The following CAMK1D variants were observed in gnomAD, a reference collection of about 807,000 sequenced individuals.
CAMK1D encodes calcium/calmodulin-dependent protein kinase type 1D.
CAMK1D carries 9 observed loss-of-function variants against 47.7 expected under a neutral mutation model. That is an observed-to-expected ratio of 0.19 (90% CI 0.11 to 0.33). The LOEUF is 0.33. Among genes scored for constraint, CAMK1D ranks in the 10% least tolerant of loss-of-function variants. CAMK1D has a pLI of 1.00. For missense variants in CAMK1D, 291 were observed against 488.7 expected (o/e 0.60, Z 3.81); for synonymous variants, 184 against 184.9 (o/e 0.99, Z 0.04).
rs1833425449 is a variant in CAMK1D at position 12,831,935 on chromosome 10, TAGGACCCGCACCA to T, written c.*3052_*3064del. On this transcript the variant is annotated 3_prime_UTR_variant, in exon 11 of 11. Transcript: ENST00000619168. ...TCTGACAAATGGGGTCTCAGAGTCC[TAGGACCCGCACCA>T]AGGTCAGAGTCCACCTGTAGAGGCT... The T allele has an allele frequency of 6.6e-6, 1 of 152,222 alleles. No individual in the cohort carries two copies. 9.4% of individuals were successfully genotyped at this position (152,222 alleles called of 1,614,324 possible).
chr10:12,446,481 C>T (rs1035871112), intron 1 of CAMK1D, among the ~76,000 whole-genome samples: 23 of 152,176 alleles, frequency 1.5e-4, no homozygotes, highest in African/African-American at 4.6e-4. Flanking sequence ...TTACCGCAGC[C>T]TGTTTTATCA....
chr10:12,607,888 GA>G (rs1372601028), intron 2 of CAMK1D, among the ~76,000 whole-genome samples: 2 of 152,182 alleles, frequency 1.3e-5, no homozygotes, highest in East Asian at 3.8e-4. Flanking sequence ...TTGAGCCTGG[GA>G]GGGGGAGGCT....
intron 1 of CAMK1D, among the ~76,000 whole-genome samples, chr10:12,505,614 G>T (rs1044164387): frequency 6.6e-5 from 10 of 152,108 alleles, no homozygotes; most frequent in Non-Finnish European, 1.2e-4. Flanking sequence ...CTCCTTTATT[G>T]CTTGCTTGTC....
chr10:12,645,837 T>G (rs2132497776), intron 2 of CAMK1D, among the ~76,000 whole-genome samples: 1 of 152,340 alleles, frequency 6.6e-6, no homozygotes, highest in South Asian at 2.1e-4. Context: ...CATCTAAAAA[T>G]GCTGCCTGTG....
chr10:12,599,403 T>C (rs530182448), intron 2 of CAMK1D, among the ~76,000 whole-genome samples: 11 of 152,234 alleles, frequency 7.2e-5, no homozygotes, highest in Admixed American at 2.0e-4. Context: ...CAAGGAAGCA[T>C]GTGGCTCACT....
At chr10:12,468,974 C>T (rs1330070350) in intron 1 of CAMK1D, among the ~76,000 whole-genome samples, 2 of 152,018 alleles carry the variant, frequency 1.3e-5, no homozygotes, top group Non-Finnish European at 2.9e-5. Context: ...TCTCATCTGC[C>T]CTCAGCAGTC....
chr10:12,779,342 A>G lies in CAMK1D; in HGVS notation c.565+9543A>G, dbSNP rs3781074. On this transcript the variant is annotated intron_variant, in intron 5 of 10. Coordinates refer to ENST00000619168, the MANE Select transcript of CAMK1D (RefSeq NM_153498.4). ...AATATCTGAATCACTGAACATCAGT[A>G]GGAAGTGACAGAAAACATCCGTATC... Among the ~76,000 whole-genome samples, 24 of 152,358 alleles carry G rather than the reference A, an allele frequency of 1.6e-4. No individual in the cohort carries two copies. In the East Asian group the frequency reaches 2.5e-3, roughly 16 times the overall value.
chr10:12,353,470 C>T (rs1016825615), intron 1 of CAMK1D, among the ~76,000 whole-genome samples: 1 of 152,166 alleles, frequency 6.6e-6, no homozygotes, highest in Non-Finnish European at 1.5e-5. Context: ...CGAGCATTTA[C>T]TGTTGGAAGC....
chr10:12,506,883 G>T (rs992503328), intron 1 of CAMK1D, among the ~76,000 whole-genome samples: 1 of 152,132 alleles, frequency 6.6e-6, no homozygotes, highest in South Asian at 2.1e-4. Flanking sequence ...TGCCAACCTC[G>T]GGTCACATCA....
At chr10:12,796,641 T>A (rs536258759) in intron 6 of CAMK1D, among the ~76,000 whole-genome samples, 1 of 150,262 alleles carries the variant, frequency 6.7e-6, no homozygotes, top group African/African-American at 2.5e-5. Context: ...CCCCGGGGGG[T>A]CGTGATGGCT....
intron 1 of CAMK1D, among the ~76,000 whole-genome samples, chr10:12,535,893 G>C (rs371063901): frequency 1.2e-4 from 18 of 152,224 alleles, no homozygotes; most frequent in Middle Eastern, 3.4e-3. Flanking sequence ...TGTGTTATCT[G>C]TGGTAACACC....
intron 2 of CAMK1D, among the ~76,000 whole-genome samples, chr10:12,623,325 CTCCCTCCCTCCTTTCT>C (rs1839085651): frequency 1.8e-4 from 2 of 11,402 alleles, no homozygotes. Flanking sequence ...CCGTCCCTCC[CTCCCTCCCTCCTTTCT>C]TTCCTCCCTC....
chr10:12,599,264 C>A (rs1040728008), intron 2 of CAMK1D, among the ~76,000 whole-genome samples: 6 of 152,086 alleles, frequency 3.9e-5, no homozygotes, highest in Non-Finnish European at 7.4e-5. Context: ...GAAGTGATTC[C>A]CTGCTGCATC....
intron 2 of CAMK1D, among the ~76,000 whole-genome samples, chr10:12,559,032 G>C: frequency 6.6e-6 from 1 of 151,698 alleles, no homozygotes; most frequent in East Asian, 1.9e-4. Flanking sequence ...AGCCGGGCAC[G>C]GTGAGTGGCT....
At chr10:12,826,613 C>T (rs1237281361) in intron 10 of CAMK1D, among the ~76,000 whole-genome samples, 1 of 152,198 alleles carries the variant, frequency 6.6e-6, no homozygotes, top group Non-Finnish European at 1.5e-5. Context: ...CCTAATCTCC[C>T]TAACCATGGA....
At chr10:12,722,947 G>T (rs1488819864) in intron 3 of CAMK1D, among the ~76,000 whole-genome samples, 1 of 152,204 alleles carries the variant, frequency 6.6e-6, no homozygotes, top group Admixed American at 6.5e-5. Flanking sequence ...GGTATAATCG[G>T]TGCTCTCGGG....
intron 1 of CAMK1D, among the ~76,000 whole-genome samples, chr10:12,501,864 G>C (rs1834715335): frequency 6.6e-6 from 1 of 150,426 alleles, no homozygotes; most frequent in East Asian, 2.0e-4. Flanking sequence ...GTCCCCAAAA[G>C]CCATTTGATG....
chr10:12,349,768 CCCCCTCCCCAG>C lies in CAMK1D; in HGVS notation c.-49_-39del. The C allele has an allele frequency of 4.3e-6, 4 of 923,668 alleles. No homozygotes were observed. Among genetic ancestry groups the C allele is most frequent in the Non-Finnish European group, 5.4e-6 (4 of 734,698 alleles). The allele number at this position is 923,668 out of a possible 1,614,324, so 57.2% of individuals were successfully genotyped here. A position where few individuals can be genotyped will look rare whatever the true frequency, so the allele number is the denominator to read the frequency against. The stretch of plus-strand genomic sequence containing the variant: ...CTGCGCCCGCGCCGCGCCCCCGGCG[CCCCCTCCCCAG>C]CGCGCCCCCGGCCGCTCCTCCGCGC... On this transcript the variant is annotated 5_prime_UTR_variant, in exon 1 of 11. Coordinates refer to ENST00000619168, the MANE Select transcript of CAMK1D (RefSeq NM_153498.4).
At chr10:12,720,720 AT>A in intron 3 of CAMK1D, among the ~76,000 whole-genome samples, 1 of 152,156 alleles carries the variant, frequency 6.6e-6, no homozygotes, top group East Asian at 1.9e-4. Context: ...TGAGAAGATT[AT>A]TTTTCCCTCT....
Sources: gnomAD v4.1 joint callset for allele counts (sites outside exome capture counted in the v4.1 genomes callset) on GRCh38, gnomAD v4.1.1 for gene constraint, MANE v1.5 for transcripts, NCBI Gene and HGNC (gene_info 2026-07-23, HGNC 2026-07-21) for gene names.